LAMC1: variants seen among roughly 807,000 people sequenced by gnomAD.
LAMC1 encodes laminin subunit gamma-1.
LAMC1 carries 38 observed loss-of-function variants against 173.6 expected under a neutral mutation model. The ratio of observed to expected loss-of-function variants is 0.22; its 90% CI spans 0.17 to 0.29. The LOEUF (loss-of-function observed/expected upper bound fraction) is 0.29, where lower values mean the gene tolerates loss of function less well. LAMC1 is among the 10% of genes least tolerant of loss of function. The pLI, the probability that LAMC1 is intolerant of heterozygous loss-of-function variation, is 1.00. For missense variants in LAMC1, 1,824 were observed against 2,051.8 expected, an observed-to-expected ratio of 0.89 and a Z score of 2.14; for synonymous variants, 746 against 749.1, an observed-to-expected ratio of 1.00 and a Z score of 0.07.
At chr1:183,053,889 G>A (rs1654507565) in intron 1 of LAMC1, among the ~76,000 whole-genome samples, 1 of 152,282 alleles carries the variant, frequency 6.6e-6, no homozygotes, top group South Asian at 2.1e-4. Flanking sequence ...GCCTCCCAAA[G>A]TGCTAGGATT....
intron 1 of LAMC1, among the ~76,000 whole-genome samples, chr1:183,026,971 A>G (rs1653704082): frequency 6.6e-6 from 1 of 152,228 alleles, no homozygotes; most frequent in African/African-American, 2.4e-5. Flanking sequence ...TTACATTAAT[A>G]TGACCCTCTA....
At chr1:183,124,532 C>G in intron 13 of LAMC1, 99 bp from the exon 14 acceptor site, 1 of 1,421,040 alleles carries the variant, frequency 7.0e-7, no homozygotes, top group Non-Finnish European at 9.7e-7. Flanking sequence ...TGTCTTCTCT[C>G]ATGTGATGAT....
chr1:183,099,804 A>T (rs190379745), intron 1 of LAMC1, among the ~76,000 whole-genome samples: 1 of 152,198 alleles, frequency 6.6e-6, no homozygotes, highest in East Asian at 1.9e-4. Context: ...TGGCCCGTCA[A>T]ACTGCTCACA....
intron 14 of LAMC1, 157 bp from the exon 15 acceptor site, chr1:183,125,240 C>G: frequency 1.4e-6 from 1 of 710,796 alleles, no homozygotes; most frequent in South Asian, 1.8e-5. Context: ...CATCTCAATT[C>G]AGACTCACCA....
At chr1:183,053,505 G>A (rs1414406170) in intron 1 of LAMC1, among the ~76,000 whole-genome samples, 1 of 151,968 alleles carries the variant, frequency 6.6e-6, no homozygotes, top group Non-Finnish European at 1.5e-5. Context: ...GTCTGATTCT[G>A]AGTCTCATCA....
chr1:183,083,785 GT>G (rs1314712428), intron 1 of LAMC1, among the ~76,000 whole-genome samples: 3 of 151,962 alleles, frequency 2.0e-5, no homozygotes, highest in African/African-American at 7.3e-5. Context: ...TTTTATTCCA[GT>G]TTTTTTACAT....
chr1:183,024,778 C>G (rs1336826775), intron 1 of LAMC1, among the ~76,000 whole-genome samples: 2 of 152,242 alleles, frequency 1.3e-5, no homozygotes, highest in Non-Finnish European at 2.9e-5. Flanking sequence ...AGTGCACTCA[C>G]TGTAATTGCT....
At chr1:183,071,093 T>TG in intron 1 of LAMC1, among the ~76,000 whole-genome samples, 1 of 121,414 alleles carries the variant, frequency 8.2e-6, no homozygotes, top group Non-Finnish European at 1.8e-5. Context: ...TTTGTTTTTG[T>TG]TTTTTTTTTT....
chr1:183,137,608 G>T (rs1201102132), intron 25 of LAMC1, 61 bp from the exon 26 acceptor site: 28 of 1,061,164 alleles, frequency 2.6e-5, no homozygotes, highest in Non-Finnish European at 3.7e-5. Flanking sequence ...AAAGGAGCGG[G>T]AGCATACTTG....
Position 183,024,057 on chromosome 1 carries a change from A to T in LAMC1, c.341A>T (p.Asp114Val). 6.2e-7 allele frequency: 1 copy of T among 1,612,296 alleles called. No homozygotes were observed. The change falls in exon 1 of 28, where the codon GAC becomes GTC. Residue 114 changes from aspartate (D) to valine (V), a missense_variant. Transcript: ENST00000258341. ...AFLTDYNNQA[D>V]TTWWQSQTML... is the part of the protein sequence containing the mutation. ...CTGACCGACTACAACAACCAGGCCG[A>T]CACCACCTGGTGGCAAAGCCAGACC... is the stretch of plus-strand genomic sequence containing the variant.
chr1:183,107,290 TGTGGAAAA>T (rs1355785770), intron 2 of LAMC1, among the ~76,000 whole-genome samples: 2 of 151,956 alleles, frequency 1.3e-5, no homozygotes, highest in Non-Finnish European at 2.9e-5. Flanking sequence ...GGAAGGTGTG[TGTGGAAAA>T]AGACAATGTA....
At chr1:183,132,562 A>G in intron 21 of LAMC1, 25 bp downstream of exon 21, 1 of 1,594,776 alleles carries the variant, frequency 6.3e-7, no homozygotes, top group South Asian at 1.1e-5. Context: ...AAAGTGGTTT[A>G]CACCCCTTCA....
chr1:183,118,150 A>T lies in LAMC1; in HGVS notation c.1990+4A>T, dbSNP rs778943575. 9.5e-5 allele frequency: 139 copies of T among 1,467,872 alleles called. No homozygotes were observed. In the East Asian group the frequency reaches 3.1e-3, roughly 32 times the overall value. 90.9% of individuals were successfully genotyped at this position (1,467,872 alleles called of 1,614,324 possible). ...CGTGGGACATACAGTGAGAGAAGTAAGTTATGATATAATTTAGGAGAGTTG... is the reference window on the plus strand; with the variant it reads ...CGTGGGACATACAGTGAGAGAAGTATGTTATGATATAATTTAGGAGAGTTG... On this transcript the variant is annotated splice_donor_region_variant and intron_variant, in intron 11 of 27. Transcript: ENST00000258341.
chr1:183,046,638 CTT>C (rs1266040819), intron 1 of LAMC1, among the ~76,000 whole-genome samples: 1 of 151,948 alleles, frequency 6.6e-6, no homozygotes, highest in African/African-American at 2.4e-5. Flanking sequence ...AAAAATAAAA[CTT>C]TTTTTGTGTG....
At chr1:183,047,951 G>A (rs1182702037) in intron 1 of LAMC1, among the ~76,000 whole-genome samples, 2 of 151,658 alleles carry the variant, frequency 1.3e-5, no homozygotes, top group African/African-American at 4.8e-5. Flanking sequence ...TTAGCTTACC[G>A]AGAGTTAGTT....
chr1:183,097,923 T>C (rs1183512841), intron 1 of LAMC1, among the ~76,000 whole-genome samples: 1 of 152,128 alleles, frequency 6.6e-6, no homozygotes, highest in Non-Finnish European at 1.5e-5. Context: ...TTTGGTGGTG[T>C]GTATATCCAT....
At chr1:183,056,727 T>C (rs1654606853) in intron 1 of LAMC1, among the ~76,000 whole-genome samples, 1 of 152,188 alleles carries the variant, frequency 6.6e-6, no homozygotes, top group South Asian at 2.1e-4. Context: ...AGGTTTCCCA[T>C]TTCTAGACTA....
In LAMC1 at chr1:183,143,552, A is replaced by G. The variant is rs1032154396; in HGVS notation, c.*762A>G. 5.2e-5 allele frequency: 8 copies of G among 152,728 alleles called. No homozygotes were observed. The highest frequency in any genetic ancestry group is 2.6e-4 in the Admixed American group (4 of 15,300). The allele number at this position is 152,728 out of a possible 1,614,324, so 9.5% of individuals were successfully genotyped here. A position where few individuals can be genotyped will look rare whatever the true frequency, so the allele number is the denominator to read the frequency against. On this transcript the variant is annotated 3_prime_UTR_variant, in exon 28 of 28. Transcript: ENST00000258341. ...CTGGATGGGCAGCTTGCACTCACCA[A>G]TAGACCAAAAGACATCTTTTGATAT...
intron 2 of LAMC1, among the ~76,000 whole-genome samples, chr1:183,105,314 C>CT (rs1197131045): frequency 1.3e-5 from 2 of 151,306 alleles, no homozygotes; most frequent in Non-Finnish European, 2.9e-5. Flanking sequence ...TACAAATACT[C>CT]TTTAAGTTGA....
Sources: allele counts gnomAD v4.1 joint callset (sites outside exome capture counted in the v4.1 genomes callset), GRCh38; gene constraint gnomAD v4.1.1; transcripts MANE v1.5; gene names NCBI Gene and HGNC (gene_info 2026-07-23, HGNC 2026-07-21).